The following APH1B variants were observed in gnomAD, a reference collection of about 807,000 sequenced individuals.
APH1B encodes the protein gamma-secretase subunit APH-1B.
APH1B carries 27 observed loss-of-function variants against 28.2 expected under a neutral mutation model. The ratio of observed to expected loss-of-function variants is 0.96; its 90% confidence interval spans 0.70 to 1.32. The LOEUF (loss-of-function observed/expected upper bound fraction) is 1.32, where lower values mean the gene tolerates loss of function less well. Among genes scored for constraint, APH1B ranks in the 40% most tolerant of loss-of-function variants. APH1B has a pLI of 0.00. For missense variants in APH1B, 305 were observed against 313.6 expected (o/e 0.97, Z 0.21); for synonymous variants, 141 against 124.6 (o/e 1.13, Z -0.88).
At chr15:63,288,801 A>G (rs575094279) in intron 4 of APH1B, among the ~76,000 whole-genome samples, 19 of 152,378 alleles carry the variant, frequency 1.2e-4, no homozygotes, top group African/African-American at 3.4e-4. Flanking sequence ...TTAGGTCTTT[A>G]AAACAAATGT....
chr15:63,287,773 G>C (rs2038463626), intron 4 of APH1B, among the ~76,000 whole-genome samples: 1 of 152,224 alleles, frequency 6.6e-6, no homozygotes, highest in African/African-American at 2.4e-5. Context: ...TTATTTTGCT[G>C]TACTGACAAT....
chr15:63,299,554 T>A (rs1367565321), intron 4 of APH1B, among the ~76,000 whole-genome samples: 2 of 151,888 alleles, frequency 1.3e-5, no homozygotes, highest in Admixed American at 6.6e-5. Context: ...ACAGGTGCCC[T>A]CCACCACGCC....
Position 63,306,351 on chromosome 15 carries a change from A to C in APH1B, c.*570A>C, listed in dbSNP as rs1005582795. ...AGGTTGGGCTTCTAAATGCAATAAT[A>C]AATTACGCTGACTGTGGTAACTTAG... On this transcript the variant is annotated 3_prime_UTR_variant, in exon 6 of 6. Transcript: ENST00000261879. 1 of 152,434 alleles carries C rather than the reference A, an allele frequency of 6.6e-6. No homozygotes were observed. Among genetic ancestry groups the C allele is most frequent in the Non-Finnish European group, 1.5e-5 (1 of 68,218 alleles). 9.4% of individuals were successfully genotyped at this position (152,434 alleles called of 1,614,324 possible).
chr15:63,283,886 C>T (rs562253472), intron 2 of APH1B, among the ~76,000 whole-genome samples: 2 of 152,226 alleles, frequency 1.3e-5, no homozygotes, highest in South Asian at 4.1e-4. Flanking sequence ...TAATGGTCCA[C>T]CTTCATTCTT....
intron 4 of APH1B, among the ~76,000 whole-genome samples, chr15:63,296,216 G>A (rs942043934): frequency 9.9e-5 from 15 of 152,246 alleles, no homozygotes; most frequent in Middle Eastern, 3.4e-3. Context: ...GAGTTTCTAC[G>A]GCCAGGATGG....
At chr15:63,285,240 A>T (rs1250488070) in intron 2 of APH1B, among the ~76,000 whole-genome samples, 1 of 152,190 alleles carries the variant, frequency 6.6e-6, no homozygotes, top group Non-Finnish European at 1.5e-5. Context: ...ATTTATATTT[A>T]TGTAAAGAAT....
At chr15:63,296,886 C>A (rs1436586069) in intron 4 of APH1B, among the ~76,000 whole-genome samples, 1 of 152,172 alleles carries the variant, frequency 6.6e-6, no homozygotes, top group African/African-American at 2.4e-5. Context: ...TCTTGATCTC[C>A]TGACCTGGTG....
At chr15:63,286,849 T>C (rs539566640) in intron 3 of APH1B, among the ~76,000 whole-genome samples, 1 of 152,286 alleles carries the variant, frequency 6.6e-6, no homozygotes, top group South Asian at 2.1e-4. Context: ...ATTAACCAGG[T>C]TTGAAAGTTA....
chr15:63,301,349 A>C (rs2038625092), intron 4 of APH1B, among the ~76,000 whole-genome samples: 1 of 152,182 alleles, frequency 6.6e-6, no homozygotes, highest in South Asian at 2.1e-4. Flanking sequence ...ATGATTTCTT[A>C]TTATGTGGCT....
intron 1 of APH1B, chr15:63,278,502 G>A: frequency 5.4e-6 from 2 of 369,174 alleles, no homozygotes; most frequent in East Asian, 7.4e-5. Context: ...TCCCACAAAC[G>A]TATTGAAAGT....
intron 4 of APH1B, among the ~76,000 whole-genome samples, chr15:63,294,178 A>G (rs1352305797): frequency 3.3e-5 from 5 of 152,034 alleles, no homozygotes; most frequent in Admixed American, 2.6e-4. Flanking sequence ...ATATGATTGC[A>G]TGAGACAAAA....
Position 63,277,709 on chromosome 15 carries a change from C to G in APH1B, c.86C>G (p.Pro29Arg). 1 of 1,611,430 alleles carries G rather than the reference C, an allele frequency of 6.2e-7. No homozygotes were observed. Among genetic ancestry groups the G allele is most frequent in the African/African-American group, 1.3e-5 (1 of 74,750 alleles). ...TATGTCTTCACCATCGCCACCGAGC[C>G]GTTGCGTATCATCTTCCTCATCGCC... ...ALYVFTIATE[P>R]LRIIFLIAGA... The change falls in exon 1 of 6, where the codon CCG becomes CGG. Residue 29 changes from proline to arginine, a missense_variant. Physicochemically the swap from Pro to Arg is moderately radical, Grantham distance 103. Transcript: ENST00000261879.
At chr15:63,303,874 A>AACTC (rs2038659542) in intron 5 of APH1B, among the ~76,000 whole-genome samples, 1 of 145,598 alleles carries the variant, frequency 6.9e-6, no homozygotes, top group African/African-American at 2.5e-5. Flanking sequence ...ACACACACAC[A>AACTC]ACACACACAC....
chr15:63,277,798 G>A, intron 1 of APH1B, 62 bp downstream of exon 1: 1 of 1,487,886 alleles, frequency 6.7e-7, no homozygotes, highest in Non-Finnish European at 9.2e-7. Flanking sequence ...GGGGTTACCC[G>A]CGACCCTCGG....
At position 63,301,612 on chromosome 15, in the gene APH1B, T is replaced by G. The variant is rs187741763; in HGVS notation, c.479-733T>G. ...CTTTCTTCTTCTTCTTTTTTTTTTT[T>G]GCTCTGTTGCCGAGGCTGGAGTACA... On this transcript the variant is annotated intron_variant, in intron 4 of 5. Coordinates refer to ENST00000261879, the MANE Select transcript of APH1B (RefSeq NM_031301.4). 1.7e-4 allele frequency among the ~76,000 whole-genome samples: 26 copies of G among 151,992 alleles called. No homozygotes were observed. In the East Asian group the frequency reaches 3.9e-3, roughly 23 times the overall value.
At chr15:63,302,210 G>T in intron 4 of APH1B, 135 bp from the exon 5 acceptor site, 1 of 1,044,676 alleles carries the variant, frequency 9.6e-7, no homozygotes, top group Non-Finnish European at 1.4e-6. Flanking sequence ...GTGTGTCAAG[G>T]CCCTGTTTCT....
At chr15:63,277,782 C>G (rs1388808375) in intron 1 of APH1B, 46 bp downstream of exon 1, 1 of 1,569,568 alleles carries the variant, frequency 6.4e-7, no homozygotes, top group East Asian at 2.3e-5. Context: ...GCTCCCCTCC[C>G]CCGCTGGGGT....
intron 4 of APH1B, 43 bp downstream of exon 4, chr15:63,287,589 A>G (rs1315825122): frequency 6.2e-7 from 1 of 1,602,346 alleles, no homozygotes; most frequent in South Asian, 1.1e-5. Flanking sequence ...TCTAGTCTAA[A>G]TGATCATTCT....
At chr15:63,286,298 C>T (rs917604392) in intron 2 of APH1B, among the ~76,000 whole-genome samples, 12 of 152,154 alleles carry the variant, frequency 7.9e-5, no homozygotes, top group African/African-American at 2.9e-4. Context: ...AAATTCAATT[C>T]CTGACGGCTT....
Sources: gnomAD v4.1 joint callset for allele counts (sites outside exome capture counted in the v4.1 genomes callset) on GRCh38, gnomAD v4.1.1 for gene constraint, MANE v1.5 for transcripts, NCBI Gene and HGNC (gene_info 2026-07-23, HGNC 2026-07-21) for gene names.